The following SMAP1 variants were observed in gnomAD, a reference collection of about 807,000 sequenced individuals.
SMAP1 encodes the protein stromal membrane-associated protein 1.
SMAP1 carries 24 observed loss-of-function variants against 58.5 expected under a neutral mutation model. The ratio of observed to expected loss-of-function variants is 0.41; its 90% CI spans 0.30 to 0.58. SMAP1 has a LOEUF of 0.58. Among genes scored for constraint, SMAP1 ranks in the 20% least tolerant of loss-of-function variants. The pLI, the probability that SMAP1 is intolerant of heterozygous loss-of-function variation, is 0.29. For missense variants in SMAP1, 563 were observed against 566.3 expected, an observed-to-expected ratio of 0.99 and a Z score of 0.06; for synonymous variants, 216 against 196.6, an observed-to-expected ratio of 1.10 and a Z score of -0.82.
intron 3 of SMAP1, among the ~76,000 whole-genome samples, chr6:70,764,017 A>T (rs1165497009): frequency 6.6e-6 from 1 of 151,798 alleles, no homozygotes; most frequent in Admixed American, 6.6e-5. Flanking sequence ...GGCTCAAGCG[A>T]TCGTTCTGCC....
intron 3 of SMAP1, among the ~76,000 whole-genome samples, chr6:70,770,262 A>G (rs4379251): frequency 0.52 from 78,323 of 150,882 alleles, 20,718 homozygotes; most frequent in Non-Finnish European, 0.55. Flanking sequence ...TCTTTGTGGC[A>G]TTCTCTGTAT....
chr6:70,705,592 G>A (rs534570470), intron 1 of SMAP1, among the ~76,000 whole-genome samples: 48 of 152,268 alleles, frequency 3.2e-4, no homozygotes, highest in African/African-American at 1.2e-3. Flanking sequence ...TTTCTTGCCA[G>A]TTTAAGAGAG....
At chr6:70,830,805 G>A (rs972024034) in intron 6 of SMAP1, among the ~76,000 whole-genome samples, 14 of 152,146 alleles carry the variant, frequency 9.2e-5, no homozygotes, top group Admixed American at 9.2e-4. Flanking sequence ...ATTAACATTG[G>A]TGATTTATAT....
chr6:70,820,156 CA>C (rs1490924081), intron 6 of SMAP1, among the ~76,000 whole-genome samples: 1 of 151,988 alleles, frequency 6.6e-6, no homozygotes, highest in East Asian at 1.9e-4. Flanking sequence ...ATGTTATAAG[CA>C]AAAATATAAA....
intron 5 of SMAP1, among the ~76,000 whole-genome samples, chr6:70,795,395 A>T (rs1487723198): frequency 1.3e-5 from 2 of 152,228 alleles, no homozygotes; most frequent in East Asian, 3.9e-4. Flanking sequence ...TACTTCTCAC[A>T]GTTCTGGAGG....
At chr6:70,852,765 A>T in intron 8 of SMAP1, 101 bp downstream of exon 8, 1 of 1,303,274 alleles carries the variant, frequency 7.7e-7, no homozygotes, top group Non-Finnish European at 1.0e-6. Context: ...GCAGTAACTG[A>T]TTTAAAAGTC....
At chr6:70,831,956 G>GCA (rs1181634285) in intron 6 of SMAP1, among the ~76,000 whole-genome samples, 1 of 151,940 alleles carries the variant, frequency 6.6e-6, no homozygotes, top group Non-Finnish European at 1.5e-5. Flanking sequence ...TTAATGATAG[G>GCA]CACTCTGACT....
intron 1 of SMAP1, among the ~76,000 whole-genome samples, chr6:70,729,894 A>G (rs1480474159): frequency 6.6e-6 from 1 of 152,228 alleles, no homozygotes; most frequent in African/African-American, 2.4e-5. Context: ...GGATGGCAGC[A>G]TGGGCATCAC....
At chr6:70,740,754 A>C (rs1250055469) in intron 2 of SMAP1, among the ~76,000 whole-genome samples, 1 of 152,152 alleles carries the variant, frequency 6.6e-6, no homozygotes, top group Non-Finnish European at 1.5e-5. Flanking sequence ...ACTGTGTATT[A>C]GTGTGTTTTC....
chr6:70,678,415 C>A (rs781992), intron 1 of SMAP1, among the ~76,000 whole-genome samples: 4 of 152,116 alleles, frequency 2.6e-5, no homozygotes, highest in Non-Finnish European at 2.9e-5. Flanking sequence ...TATGTTTAGC[C>A]TAGGGCGTTA....
chr6:70,856,782 T>G, intron 8 of SMAP1, 77 bp from the exon 9 acceptor site: 4 of 1,400,184 alleles, frequency 2.9e-6, no homozygotes, highest in South Asian at 3.2e-5. Context: ...TTTTATAACT[T>G]TATTTGGATT....
At position 70,668,823 on chromosome 6, in the gene SMAP1, A is replaced by G; in HGVS notation, c.118+682A>G. The G allele has an allele frequency of 3.9e-6, 5 of 1,290,568 alleles. 1 individual carries two copies. In the South Asian group the frequency reaches 4.1e-5, roughly 11 times the overall value. The allele number at this position is 1,290,568 out of a possible 1,614,324, so 79.9% of individuals were successfully genotyped here. ...CCAGAATGAAGAGGAATTTCATTAC[A>G]TGAGTCTCTTGGAGGACGGTGGGTT... On this transcript the variant is annotated intron_variant, in intron 1 of 10. Transcript: ENST00000370455.
chr6:70,743,083 C>A (rs1030080719), intron 2 of SMAP1, among the ~76,000 whole-genome samples: 1 of 152,172 alleles, frequency 6.6e-6, no homozygotes, highest in African/African-American at 2.4e-5. Flanking sequence ...TTTTCAACTT[C>A]CTGTGCTTTT....
chr6:70,857,003 G>A lies in SMAP1; in HGVS notation c.934G>A (p.Gly312Arg). Residue 312 changes from glycine (G) to arginine (R), a missense_variant, in exon 9 of 11, where the codon GGA becomes AGA. Coordinates refer to ENST00000370455, the MANE Select transcript of SMAP1 (RefSeq NM_001044305.3). ...KDSILSLYGTGTIQQQSTPGV... is the reference protein window; with the variant it reads ...KDSILSLYGTRTIQQQSTPGV... Reference sequence around the variant, plus strand: ...CTCCATCTTATCTCTGTATGGCACAGGAACCATTCAACAGCAAAGTACTCC... The same window carrying A: ...CTCCATCTTATCTCTGTATGGCACAAGAACCATTCAACAGCAAAGTACTCC... 1 of 1,611,480 alleles carries A rather than the reference G, an allele frequency of 6.2e-7. No individual in the cohort carries two copies. The highest frequency in any genetic ancestry group is 2.2e-5 in the East Asian group (1 of 44,844).
intron 3 of SMAP1, among the ~76,000 whole-genome samples, chr6:70,770,903 A>G (rs560733773): frequency 1.1e-3 from 169 of 152,058 alleles, no homozygotes; most frequent in Non-Finnish European, 1.6e-3. Context: ...GTCTTTGATG[A>G]TGGTGACGTA....
At chr6:70,737,976 A>G (rs1441552887) in intron 2 of SMAP1, among the ~76,000 whole-genome samples, 1 of 152,210 alleles carries the variant, frequency 6.6e-6, no homozygotes, top group Non-Finnish European at 1.5e-5. Context: ...ATATGCAGGT[A>G]CTAGAAAGGC....
intron 3 of SMAP1, among the ~76,000 whole-genome samples, chr6:70,765,264 T>C (rs1382155273): frequency 6.6e-6 from 1 of 152,182 alleles, no homozygotes; most frequent in Non-Finnish European, 1.5e-5. Context: ...CTTTGATAGG[T>C]TCTTAGAAAC....
chr6:70,719,437 A>C (rs937966516), intron 1 of SMAP1, among the ~76,000 whole-genome samples: 1 of 152,154 alleles, frequency 6.6e-6, no homozygotes, highest in Admixed American at 6.5e-5. Flanking sequence ...CCACCCTTGA[A>C]TCTCCCATCC....
At chr6:70,767,328 T>C (rs1313070655) in intron 3 of SMAP1, among the ~76,000 whole-genome samples, 1 of 152,158 alleles carries the variant, frequency 6.6e-6, no homozygotes, top group African/African-American at 2.4e-5. Context: ...ATCTATAAAT[T>C]ACCTTGGGCA....
Sources: allele counts gnomAD v4.1 joint callset (sites outside exome capture counted in the v4.1 genomes callset), GRCh38; gene constraint gnomAD v4.1.1; transcripts MANE v1.5; gene names NCBI Gene and HGNC (gene_info 2026-07-23, HGNC 2026-07-21).